The following PRKG1 variants were observed in gnomAD, a reference collection of about 807,000 sequenced individuals.
PRKG1 encodes the protein cGMP-dependent protein kinase 1.
In PRKG1, 35 loss-of-function variants were observed where a neutral mutation model predicts 88.1. That is an observed-to-expected ratio of 0.40 (90% confidence interval 0.30 to 0.53). The LOEUF is 0.53. Ranked by LOEUF, PRKG1 falls within the 20% of genes least tolerant of loss-of-function variation. PRKG1 has a pLI of 0.59. For missense variants in PRKG1, 540 were observed against 839.8 expected (o/e 0.64, Z 4.41); for synonymous variants, 303 against 292.5 (o/e 1.04, Z -0.37).
chr10:51,449,192 C>T (rs1839360876), intron 2 of PRKG1, among the ~76,000 whole-genome samples: 1 of 151,604 alleles, frequency 6.6e-6, no homozygotes, highest in South Asian at 2.1e-4. Context: ...GTCAAACTTG[C>T]ATATTATTCA....
intron 3 of PRKG1, among the ~76,000 whole-genome samples, chr10:51,745,040 T>C (rs140035941): frequency 0.012 from 1,881 of 152,332 alleles, 24 homozygotes; most frequent in Non-Finnish European, 0.016. Flanking sequence ...TAGATCTTCA[T>C]ACAATAATTG....
chr10:51,994,852 C>T lies in PRKG1; in HGVS notation c.763-59632C>T, dbSNP rs887912651. ...ATTGAAGAAGTCACTGCTTCTATCA[C>T]CTTGACAAAGAAAGATAATAAACTG... On this transcript the variant is annotated intron_variant, in intron 5 of 17. Transcript: ENST00000373980. Among the ~76,000 whole-genome samples, 14 of 152,228 alleles carry T rather than the reference C, an allele frequency of 9.2e-5. No individual in the cohort carries two copies. In the South Asian group the frequency reaches 1.7e-3, roughly 18 times the overall value.
chr10:52,271,243 G>T (rs1841723189), intron 10 of PRKG1, 107 bp from the exon 11 acceptor site: 1 of 1,186,062 alleles, frequency 8.4e-7, no homozygotes, highest in Non-Finnish European at 1.2e-6. Flanking sequence ...GACTTGGGAG[G>T]TGGCTGAGGT....
intron 5 of PRKG1, among the ~76,000 whole-genome samples, chr10:51,944,328 A>T (rs1047119833): frequency 6.6e-6 from 1 of 151,784 alleles, no homozygotes; most frequent in Admixed American, 6.6e-5. Flanking sequence ...TATTGCGCCT[A>T]TTTGATTCTT....
chr10:51,986,128 G>C (rs757212262), intron 5 of PRKG1, among the ~76,000 whole-genome samples: 2 of 152,040 alleles, frequency 1.3e-5, no homozygotes, highest in Non-Finnish European at 2.9e-5. Flanking sequence ...ACCCAGGAAA[G>C]GGTCAAAATT....
Position 51,907,582 on chromosome 10 carries a change from T to A in PRKG1, c.762+12T>A. The A allele has an allele frequency of 6.2e-7, 1 of 1,611,250 alleles. No homozygotes were observed. Among genetic ancestry groups the A allele is most frequent in the Non-Finnish European group, 8.5e-7 (1 of 1,177,530 alleles). On this transcript the variant is annotated intron_variant, in intron 5 of 17. Transcript: ENST00000373980. ...ATGTCCTTGAAGAGGTAATTGTTTT[T>A]AGCCTTTGAACTTTTTGAGATGGGA...
intron 1 of PRKG1, among the ~76,000 whole-genome samples, chr10:51,035,710 C>A (rs1204075963): frequency 6.6e-6 from 1 of 152,090 alleles, no homozygotes; most frequent in East Asian, 1.9e-4. Context: ...TATACCTTTA[C>A]TAAATTATAA....
intron 2 of PRKG1, among the ~76,000 whole-genome samples, chr10:51,458,431 C>G (rs1839651579): frequency 7.7e-6 from 1 of 129,848 alleles, no homozygotes; most frequent in Non-Finnish European, 1.6e-5. Context: ...ATTTAATAAC[C>G]CTTTTTTTTT....
chr10:51,407,546 T>C (rs1837955713), intron 2 of PRKG1, among the ~76,000 whole-genome samples: 1 of 152,240 alleles, frequency 6.6e-6, no homozygotes, highest in South Asian at 2.1e-4. Context: ...ACAGTCCTTA[T>C]TTCTGCAACT....
chr10:51,932,702 G>T (rs1842719919), intron 5 of PRKG1, among the ~76,000 whole-genome samples: 1 of 152,142 alleles, frequency 6.6e-6, no homozygotes, highest in African/African-American at 2.4e-5. Context: ...TCTAACAAGG[G>T]TGATGCCAGC....
In PRKG1 at chr10:52,173,828, C is replaced by T. The variant is rs997604553; in HGVS notation, c.1076+11865C>T. On this transcript the variant is annotated intron_variant, in intron 9 of 17. Transcript: ENST00000373980. ...ATTGAGCATACTGAAGAATAACAAT[C>T]CTCAAGTCCTTGAAAAGAGGATAAG... Among the ~76,000 whole-genome samples the T allele has an allele frequency of 7.2e-5, 11 of 152,238 alleles. No individual in the cohort carries two copies. In the East Asian group the frequency reaches 2.1e-3, roughly 29 times the overall value.
At chr10:51,926,426 G>A (rs1486784806) in intron 5 of PRKG1, among the ~76,000 whole-genome samples, 1 of 152,092 alleles carries the variant, frequency 6.6e-6, no homozygotes, top group Non-Finnish European at 1.5e-5. Context: ...CAAAGATGGT[G>A]CTTTCTGATG....
At position 51,493,388 on chromosome 10, in the gene PRKG1, G is replaced by C. The variant is rs531504659; in HGVS notation, c.592+25552G>C. ...TGGATTGTTTGTAATTGCCTTTTGG[G>C]GCCTCCTTAAAGTAAGTCATCACTA... is the stretch of plus-strand genomic sequence containing the variant. On this transcript the variant is annotated intron_variant, in intron 3 of 17. Coordinates refer to ENST00000373980, the MANE Select transcript of PRKG1 (RefSeq NM_006258.4). Among the ~76,000 whole-genome samples, 5 of 152,054 alleles carry C rather than the reference G, an allele frequency of 3.3e-5. No homozygotes were observed. In the East Asian group the frequency reaches 9.7e-4, roughly 29 times the overall value.
chr10:51,675,396 A>G (rs896028062), intron 3 of PRKG1, among the ~76,000 whole-genome samples: 1 of 152,196 alleles, frequency 6.6e-6, no homozygotes, highest in Non-Finnish European at 1.5e-5. Flanking sequence ...GATTCTGCAA[A>G]TAACAAAAGG....
At chr10:51,384,564 T>G (rs1837198609) in intron 2 of PRKG1, among the ~76,000 whole-genome samples, 1 of 152,168 alleles carries the variant, frequency 6.6e-6, no homozygotes, top group Non-Finnish European at 1.5e-5. Context: ...ATTGTTTCAC[T>G]TCTACAATTT....
chr10:51,328,912 G>C (rs80058895), intron 2 of PRKG1, among the ~76,000 whole-genome samples: 2 of 152,088 alleles, frequency 1.3e-5, no homozygotes, highest in African/African-American at 4.8e-5. Flanking sequence ...TTGGGGAACA[G>C]GCGTTGCCCA....
intron 1 of PRKG1, among the ~76,000 whole-genome samples, chr10:51,075,762 A>C (rs1163804665): frequency 3.3e-5 from 5 of 152,228 alleles, no homozygotes; most frequent in Non-Finnish European, 7.3e-5. Context: ...GGAACTGTGC[A>C]ATTCTGATGT....
At chr10:51,054,699 A>G (rs2132773994) in intron 1 of PRKG1, among the ~76,000 whole-genome samples, 1 of 152,288 alleles carries the variant, frequency 6.6e-6, no homozygotes, top group East Asian at 1.9e-4. Flanking sequence ...TCATCATTAT[A>G]ATTGTTGGAT....
At chr10:51,764,962 G>T (rs1280207622) in intron 3 of PRKG1, among the ~76,000 whole-genome samples, 1 of 152,184 alleles carries the variant, frequency 6.6e-6, no homozygotes, top group Non-Finnish European at 1.5e-5. Flanking sequence ...CCAGACACCA[G>T]ATTGTCTGGC....
Sources: allele counts gnomAD v4.1 joint callset (sites outside exome capture counted in the v4.1 genomes callset), GRCh38; gene constraint gnomAD v4.1.1; transcripts MANE v1.5; gene names NCBI Gene and HGNC (gene_info 2026-07-23, HGNC 2026-07-21).